CCSER1: variants seen among roughly 807,000 people sequenced by gnomAD.
CCSER1 encodes coiled-coil serine rich protein 1, also known as serine-rich coiled-coil domain-containing protein 1.
In CCSER1, 41 loss-of-function variants were observed where a neutral mutation model predicts 82.0. That is an observed-to-expected ratio of 0.50 (90% confidence interval 0.39 to 0.65). CCSER1 has a LOEUF of 0.65. Among genes scored for constraint, CCSER1 ranks in the 30% least tolerant of loss-of-function variants. The probability of loss-of-function intolerance (pLI) is 0.00; values close to 1 mark genes in which losing one functional copy is unlikely to be tolerated. For synonymous variants in CCSER1, 414 were observed against 383.9 expected, an observed-to-expected ratio of 1.08 and a Z score of -0.92; for missense variants, 1,119 against 1,064.2, an observed-to-expected ratio of 1.05 and a Z score of -0.72.
chr4:91,330,466 A>AT (rs1016887747), intron 10 of CCSER1, among the ~76,000 whole-genome samples: 5 of 149,030 alleles, frequency 3.4e-5, no homozygotes, highest in South Asian at 4.3e-4. Flanking sequence ...GTCTCTTTCT[A>AT]TTTTTTTTCC....
chr4:90,250,469 C>T (rs1722196798), intron 1 of CCSER1, among the ~76,000 whole-genome samples: 1 of 151,946 alleles, frequency 6.6e-6, no homozygotes, highest in Non-Finnish European at 1.5e-5. Context: ...GATGAAAAGA[C>T]AATTCTTTCC....
At chr4:90,939,352 A>C (rs34538138) in intron 9 of CCSER1, among the ~76,000 whole-genome samples, 40,055 of 152,108 alleles carry the variant, frequency 0.26, 6,350 homozygotes, top group East Asian at 0.46. Context: ...CCTCATATTA[A>C]AGGGAGTCTC....
chr4:90,454,668 C>T (rs1028610373), intron 4 of CCSER1, among the ~76,000 whole-genome samples: 12 of 152,102 alleles, frequency 7.9e-5, no homozygotes, highest in Admixed American at 5.2e-4. Flanking sequence ...CTATGACATA[C>T]AAAGCTTATC....
chr4:90,390,574 G>C (rs943070521), intron 3 of CCSER1, among the ~76,000 whole-genome samples: 4 of 152,088 alleles, frequency 2.6e-5, no homozygotes, highest in Non-Finnish European at 5.9e-5. Context: ...GTTGATAATG[G>C]CCTCCGCCTC....
At chr4:91,095,518 G>T (rs565649334) in intron 10 of CCSER1, among the ~76,000 whole-genome samples, 1 of 152,034 alleles carries the variant, frequency 6.6e-6, no homozygotes, top group Non-Finnish European at 1.5e-5. Flanking sequence ...GCTATCTCCC[G>T]TAACTGCGAG....
intron 5 of CCSER1, among the ~76,000 whole-genome samples, chr4:90,497,646 A>G (rs1436617564): frequency 1.3e-5 from 2 of 152,212 alleles, no homozygotes; most frequent in African/African-American, 4.8e-5. Context: ...TAACCTAGAA[A>G]TTGAATAAAG....
chr4:90,488,561 C>T (rs978310929), intron 5 of CCSER1, among the ~76,000 whole-genome samples: 1 of 152,022 alleles, frequency 6.6e-6, no homozygotes, highest in Non-Finnish European at 1.5e-5. Flanking sequence ...TTAATAAAAG[C>T]CCTCTAAGTA....
chr4:90,703,118 A>T (rs1057015931), intron 6 of CCSER1, among the ~76,000 whole-genome samples: 9 of 152,196 alleles, frequency 5.9e-5, no homozygotes, highest in African/African-American at 2.2e-4. Flanking sequence ...TTAGTGCTAT[A>T]AATTTCCCTC....
In CCSER1 at chr4:90,424,343, A is replaced by T. The variant is rs188753214; in HGVS notation, c.1603+24214A>T. On this transcript the variant is annotated intron_variant, in intron 4 of 10. Coordinates refer to ENST00000509176, the MANE Select transcript of CCSER1 (RefSeq NM_001145065.2). The stretch of plus-strand genomic sequence containing the variant: ...CCTTCAGATCTTGTCCATATAAAGA[A>T]TTGTGAACAGCCTCCATTTCTCATT... Among the ~76,000 whole-genome samples the T allele has an allele frequency of 1.8e-3, 269 of 152,268 alleles. 1 individual carries two copies. Among genetic ancestry groups the T allele is most frequent in the African/African-American group, 6.3e-3 (260 of 41,570 alleles).
chr4:90,854,383 C>T (rs761189640), intron 8 of CCSER1, among the ~76,000 whole-genome samples: 9 of 152,130 alleles, frequency 5.9e-5, no homozygotes, highest in Non-Finnish European at 8.8e-5. Flanking sequence ...ATTCTAAAAC[C>T]ATATATTTCA....
At chr4:90,819,547 G>T (rs1453570245) in intron 8 of CCSER1, among the ~76,000 whole-genome samples, 1 of 152,076 alleles carries the variant, frequency 6.6e-6, no homozygotes, top group African/African-American at 2.4e-5. Context: ...TGGGTGGGTA[G>T]ATTTCACAAA....
chr4:90,193,438 A>G (rs1438938846), intron 1 of CCSER1, among the ~76,000 whole-genome samples: 1 of 142,330 alleles, frequency 7.0e-6, no homozygotes, highest in Non-Finnish European at 1.6e-5. Context: ...GTATGAATAC[A>G]AAAGAGTTAG....
intron 3 of CCSER1, among the ~76,000 whole-genome samples, chr4:90,341,683 A>G (rs1217472680): frequency 1.3e-5 from 2 of 148,528 alleles, no homozygotes; most frequent in East Asian, 2.0e-4. Flanking sequence ...CAACCTGACT[A>G]TTAGGCTGTT....
At chr4:90,814,910 C>T (rs1239870243) in intron 7 of CCSER1, among the ~76,000 whole-genome samples, 1 of 152,156 alleles carries the variant, frequency 6.6e-6, no homozygotes, top group African/African-American at 2.4e-5. Flanking sequence ...CAAACTGTTC[C>T]AACCTCTGCC....
chr4:90,265,380 GTA>G (rs1445557497), intron 1 of CCSER1, among the ~76,000 whole-genome samples: 6 of 151,546 alleles, frequency 4.0e-5, no homozygotes, highest in African/African-American at 1.2e-4. Flanking sequence ...GATTCATCAG[GTA>G]TTAAAAAAGT....
intron 10 of CCSER1, among the ~76,000 whole-genome samples, chr4:91,497,085 A>G (rs1758963616): frequency 6.6e-6 from 1 of 151,092 alleles, no homozygotes; most frequent in Admixed American, 6.7e-5. Context: ...TGCTAATTAA[A>G]GATACACACT....
intron 3 of CCSER1, among the ~76,000 whole-genome samples, chr4:90,359,602 A>T (rs1330997984): frequency 2.0e-5 from 3 of 151,628 alleles, no homozygotes; most frequent in African/African-American, 7.3e-5. Flanking sequence ...GCCGGGCGTG[A>T]TGGTGGGCAC....
At chr4:91,249,004 T>C (rs1740044061) in intron 10 of CCSER1, among the ~76,000 whole-genome samples, 1 of 152,288 alleles carries the variant, frequency 6.6e-6, no homozygotes, top group African/African-American at 2.4e-5. Context: ...CTTTATGATA[T>C]CAATTTTCTC....
At chr4:90,145,967 A>G (rs1325619613) in intron 1 of CCSER1, among the ~76,000 whole-genome samples, 1 of 152,072 alleles carries the variant, frequency 6.6e-6, no homozygotes, top group East Asian at 1.9e-4. Flanking sequence ...TAATCTCTGA[A>G]GCACTATTAT....
Sources: allele counts gnomAD v4.1 joint callset (sites outside exome capture counted in the v4.1 genomes callset), GRCh38; gene constraint gnomAD v4.1.1; transcripts MANE v1.5; gene names NCBI Gene and HGNC (gene_info 2026-07-23, HGNC 2026-07-21).